The following FAM222B variants were observed in gnomAD, a reference collection of about 807,000 sequenced individuals.
FAM222B encodes the protein protein FAM222B.
In FAM222B, 12 loss-of-function variants were observed where a neutral mutation model predicts 38.0. That is an observed-to-expected ratio of 0.32 (90% confidence interval 0.20 to 0.51). FAM222B has a LOEUF of 0.51. FAM222B is among the 20% of genes least tolerant of loss of function. The pLI is 0.97. For missense variants in FAM222B, 716 were observed against 754.2 expected (o/e 0.95, Z 0.59); for synonymous variants, 329 against 317.2 (o/e 1.04, Z -0.40).
chr17:28,776,452 CTTTTTTTTTT>C (rs397857136), intron 1 of FAM222B, among the ~76,000 whole-genome samples: 3 of 90,974 alleles, frequency 3.3e-5, no homozygotes, highest in African/African-American at 9.4e-5. Flanking sequence ...CCTAAAAAGA[CTTTTTTTTTT>C]TTTTTTTTTT....
intron 1 of FAM222B, among the ~76,000 whole-genome samples, chr17:28,807,328 AAT>A (rs1218363469): frequency 6.6e-6 from 1 of 151,640 alleles, no homozygotes; most frequent in African/African-American, 2.4e-5. Context: ...TATTTATCTT[AAT>A]ACTGGAAATG....
chr17:28,758,754 C>T lies in FAM222B; in HGVS notation c.1205G>A (p.Gly402Asp). ...HAAGRELAGP[G>D]FVGKAPAYPQ... Reference sequence around the variant, plus strand: ...GTAGGCAGGGGCCTTGCCCACAAAGCCAGGCCCTGCCAACTCGCGTCCTGC... The same window carrying T: ...GTAGGCAGGGGCCTTGCCCACAAAGTCAGGCCCTGCCAACTCGCGTCCTGC... Residue 402 changes from glycine to aspartate, a missense_variant, in exon 3 of 3, where the codon GGC (glycine) becomes GAC (aspartate). By Grantham distance (94) the Gly-to-Asp change is moderately conservative. Coordinates refer to ENST00000581407, the MANE Select transcript of FAM222B (RefSeq NM_001077498.3). 6.4e-7 allele frequency: 1 copy of T among 1,574,222 alleles called. No individual in the cohort carries two copies. The highest frequency in any genetic ancestry group is 1.3e-5 in the African/African-American group (1 of 74,184).
At chr17:28,835,682 T>C (rs1032350321) in intron 1 of FAM222B, among the ~76,000 whole-genome samples, 3 of 152,176 alleles carry the variant, frequency 2.0e-5, no homozygotes, top group Non-Finnish European at 4.4e-5. Flanking sequence ...TTGTTTTAAA[T>C]AGGGTCTCAC....
At chr17:28,766,956 C>T (rs1189221830) in intron 1 of FAM222B, 2 of 387,052 alleles carry the variant, frequency 5.2e-6, no homozygotes, top group East Asian at 5.1e-5. Flanking sequence ...CTGGAAAGCA[C>T]CTATTCATAC....
In FAM222B at chr17:28,757,157, A is replaced by C. The variant is rs1273714021; in HGVS notation, c.*1113T>G. ...AGGCCCAGCTCCAGGTGTTAGAACC[A>C]TGCTCATTTGGTAAAGGAAGTACTC... On this transcript the variant is annotated 3_prime_UTR_variant, in exon 3 of 3. Coordinates refer to ENST00000581407, the MANE Select transcript of FAM222B (RefSeq NM_001077498.3). The C allele has an allele frequency of 6.6e-6, 1 of 152,570 alleles. No individual in the cohort carries two copies. The highest frequency in any genetic ancestry group is 1.5e-5 in the Non-Finnish European group (1 of 68,032). The allele number at this position is 152,570 out of a possible 1,614,324, so 9.5% of individuals were successfully genotyped here.
intron 1 of FAM222B, among the ~76,000 whole-genome samples, chr17:28,787,540 G>A (rs953504725): frequency 6.6e-6 from 1 of 151,812 alleles, no homozygotes. Context: ...GAAGCTAAAG[G>A]GTCTCTGAAA....
intron 1 of FAM222B, among the ~76,000 whole-genome samples, chr17:28,821,251 C>T (rs1003130494): frequency 2.6e-5 from 4 of 152,080 alleles, no homozygotes; most frequent in Admixed American, 2.6e-4. Context: ...CTGCGCCTGG[C>T]CAAAACTCTA....
Position 28,816,128 on chromosome 17 carries a change from T to A in FAM222B, c.-41+26554A>T, listed in dbSNP as rs183387450. Among the ~76,000 whole-genome samples the A allele has an allele frequency of 1.3e-3, 191 of 151,046 alleles. 2 individuals carry two copies. The highest frequency in any genetic ancestry group is 4.5e-3 in the African/African-American group (184 of 41,132). On this transcript the variant is annotated intron_variant, in intron 1 of 2. Transcript: ENST00000581407. Reference sequence around the variant, plus strand: ...TCATCGCTACAATTAAAAAAAAAAATTAGCCCAGTATGGTAGTGGGGGCCT... The same window carrying A: ...TCATCGCTACAATTAAAAAAAAAAAATAGCCCAGTATGGTAGTGGGGGCCT...
intron 1 of FAM222B, among the ~76,000 whole-genome samples, chr17:28,850,565 T>C (rs934778901): frequency 2.6e-5 from 4 of 152,164 alleles, no homozygotes; most frequent in African/African-American, 9.6e-5. Context: ...CCCGAAGTGC[T>C]GGGATTAGAG....
At chr17:28,818,584 C>G (rs2038109174) in intron 1 of FAM222B, among the ~76,000 whole-genome samples, 1 of 151,094 alleles carries the variant, frequency 6.6e-6, no homozygotes. Flanking sequence ...ATAAAAATAA[C>G]AAGACTCTAT....
At chr17:28,787,952 G>A (rs1338453495) in intron 1 of FAM222B, among the ~76,000 whole-genome samples, 1 of 150,710 alleles carries the variant, frequency 6.6e-6, no homozygotes, top group African/African-American at 2.5e-5. Context: ...AGCCTCCCGA[G>A]TGGCTAGGAT....
intron 1 of FAM222B, among the ~76,000 whole-genome samples, chr17:28,784,727 G>A (rs1213754532): frequency 1.3e-5 from 2 of 151,904 alleles, no homozygotes; most frequent in Non-Finnish European, 1.5e-5. Context: ...CTACTCAGGA[G>A]GCTGAGGCAG....
intron 1 of FAM222B, chr17:28,790,231 A>G (rs755356694): frequency 2.0e-5 from 3 of 152,322 alleles, no homozygotes; most frequent in East Asian, 3.9e-4. Flanking sequence ...AAGGAATGCA[A>G]TATTTGTATA....
intron 1 of FAM222B, among the ~76,000 whole-genome samples, chr17:28,779,193 G>C (rs992982720): frequency 6.6e-6 from 1 of 151,868 alleles, no homozygotes; most frequent in Admixed American, 6.6e-5. Flanking sequence ...TTACGACGTC[G>C]GCATTACCCT....
chr17:28,774,239 T>G (rs1338961928), intron 1 of FAM222B, among the ~76,000 whole-genome samples: 1 of 151,978 alleles, frequency 6.6e-6, no homozygotes, highest in Non-Finnish European at 1.5e-5. Context: ...ATTTCCAGAA[T>G]TAGATCCAGA....
intron 2 of FAM222B, among the ~76,000 whole-genome samples, chr17:28,763,319 CAAT>C (rs1322811596): frequency 1.3e-5 from 2 of 152,144 alleles, no homozygotes; most frequent in Non-Finnish European, 2.9e-5. Flanking sequence ...GAAAATGAAA[CAAT>C]GATGGTCAAT....
chr17:28,841,343 T>G (rs1443377846), intron 1 of FAM222B, among the ~76,000 whole-genome samples: 1 of 152,216 alleles, frequency 6.6e-6, no homozygotes, highest in Non-Finnish European at 1.5e-5. Flanking sequence ...CATCCCTCAC[T>G]GGGCAGCCCT....
intron 1 of FAM222B, among the ~76,000 whole-genome samples, chr17:28,801,767 T>C (rs2037241593): frequency 1.3e-5 from 2 of 152,202 alleles, no homozygotes; most frequent in South Asian, 4.1e-4. Flanking sequence ...GATATATCTT[T>C]CCTTTTAAAG....
intron 1 of FAM222B, among the ~76,000 whole-genome samples, chr17:28,794,997 G>T (rs1421281504): frequency 6.6e-6 from 1 of 151,806 alleles, no homozygotes; most frequent in East Asian, 1.9e-4. Context: ...GGAGGCTGAG[G>T]CAGGAGAATC....
Sources: gnomAD v4.1 joint callset for allele counts (sites outside exome capture counted in the v4.1 genomes callset) on GRCh38, gnomAD v4.1.1 for gene constraint, MANE v1.5 for transcripts, NCBI Gene and HGNC (gene_info 2026-07-23, HGNC 2026-07-21) for gene names.